CACNA2D3: variants seen among roughly 807,000 people sequenced by gnomAD.
CACNA2D3 encodes the protein calcium voltage-gated channel auxiliary subunit alpha2delta 3.
In CACNA2D3, 60 loss-of-function variants were observed where a neutral mutation model predicts 160.6. The ratio of observed to expected loss-of-function variants is 0.37; its 90% confidence interval spans 0.30 to 0.46. The LOEUF is 0.46. Ranked by LOEUF, CACNA2D3 falls within the 20% of genes least tolerant of loss-of-function variation. The probability of loss-of-function intolerance (pLI) is 1.00; values close to 1 mark genes in which losing one functional copy is unlikely to be tolerated. For synonymous variants in CACNA2D3, 558 were observed against 492.9 expected (o/e 1.13, Z -1.75); for missense variants, 1,205 against 1,365.0 (o/e 0.88, Z 1.85).
chr3:54,303,325 ACAGTGT>A (rs1339394807), intron 2 of CACNA2D3, among the ~76,000 whole-genome samples: 35 of 152,288 alleles, frequency 2.3e-4, no homozygotes, highest in Non-Finnish European at 4.7e-4. Context: ...GTCTTTTCTG[ACAGTGT>A]CAGGGCATTG....
chr3:54,539,345 G>T (rs1230175797), intron 5 of CACNA2D3, among the ~76,000 whole-genome samples: 1 of 152,204 alleles, frequency 6.6e-6, no homozygotes, highest in Non-Finnish European at 1.5e-5. Context: ...GTTATTGAAA[G>T]TGCCCCTATT....
chr3:54,556,845 G>A (rs1283400148), intron 5 of CACNA2D3, among the ~76,000 whole-genome samples: 1 of 152,170 alleles, frequency 6.6e-6, no homozygotes, highest in Admixed American at 6.5e-5. Context: ...CCAGCATGAC[G>A]TTTGCCTGCT....
At chr3:55,010,832 A>T (rs1703195306) in intron 34 of CACNA2D3, among the ~76,000 whole-genome samples, 1 of 152,140 alleles carries the variant, frequency 6.6e-6, no homozygotes, top group Admixed American at 6.5e-5. Flanking sequence ...CTCATGCGTT[A>T]TCCTATCTCT....
At chr3:54,577,491 C>A (rs1702604230) in intron 8 of CACNA2D3, among the ~76,000 whole-genome samples, 1 of 152,190 alleles carries the variant, frequency 6.6e-6, no homozygotes, top group African/African-American at 2.4e-5. Flanking sequence ...AGGCCAAGGA[C>A]ACATGCCCCT....
At chr3:54,187,913 C>G (rs1433291957) in intron 2 of CACNA2D3, among the ~76,000 whole-genome samples, 3 of 152,098 alleles carry the variant, frequency 2.0e-5, no homozygotes, top group African/African-American at 7.2e-5. Flanking sequence ...GGCCACAGAC[C>G]AGTACCGTGG....
At chr3:54,271,175 C>G (rs1702615576) in intron 2 of CACNA2D3, among the ~76,000 whole-genome samples, 1 of 152,192 alleles carries the variant, frequency 6.6e-6, no homozygotes, top group Admixed American at 6.5e-5. Flanking sequence ...TTTCCTGGGC[C>G]TTGATTTCAC....
chr3:54,149,757 T>C (rs1423075409), intron 2 of CACNA2D3, among the ~76,000 whole-genome samples: 1 of 152,112 alleles, frequency 6.6e-6, no homozygotes, highest in Non-Finnish European at 1.5e-5. Flanking sequence ...CCCACAGCAG[T>C]GTACCTCCAG....
chr3:54,413,419 G>T (rs184209841), intron 4 of CACNA2D3, among the ~76,000 whole-genome samples: 15,222 of 116,354 alleles, frequency 0.13, 992 homozygotes, highest in Admixed American at 0.24. Context: ...TATATATATA[G>T]ATATCTATAT....
intron 18 of CACNA2D3, chr3:54,874,975 A>C (rs1371944723): frequency 2.0e-5 from 3 of 152,148 alleles, no homozygotes; most frequent in Non-Finnish European, 4.4e-5. Flanking sequence ...TTTGAATCTA[A>C]CTACAATCCC....
intron 2 of CACNA2D3, among the ~76,000 whole-genome samples, chr3:54,254,261 C>A (rs148667852): frequency 2.2e-4 from 33 of 152,258 alleles, no homozygotes; most frequent in African/African-American, 7.7e-4. Context: ...GGAGGATCAT[C>A]TTCCATTTCC....
chr3:54,627,194 G>A (rs1174175713), intron 9 of CACNA2D3, among the ~76,000 whole-genome samples: 1 of 152,210 alleles, frequency 6.6e-6, no homozygotes, highest in African/African-American at 2.4e-5. Context: ...AAATGTCACA[G>A]TCTTAGGTGG....
chr3:54,899,508 G>T (rs112554121), intron 26 of CACNA2D3, among the ~76,000 whole-genome samples: 190 of 152,212 alleles, frequency 1.2e-3, no homozygotes, highest in Admixed American at 2.7e-3. Flanking sequence ...GTGGTCCCTC[G>T]ATGGTGGTCA....
At chr3:55,063,713 C>G (rs766679137) in intron 35 of CACNA2D3, among the ~76,000 whole-genome samples, 1 of 152,070 alleles carries the variant, frequency 6.6e-6, no homozygotes, top group African/African-American at 2.4e-5. Flanking sequence ...TTGCTTCACT[C>G]AATGCAGACC....
chr3:54,513,161 C>G (rs1701486937), intron 5 of CACNA2D3, among the ~76,000 whole-genome samples: 3 of 152,166 alleles, frequency 2.0e-5, no homozygotes, highest in South Asian at 4.2e-4. Flanking sequence ...CTCTGCTTTC[C>G]TTTTGCTGGT....
rs1277388943 is a variant in CACNA2D3, at chr3:54,987,721, G to C, written c.2658G>C (p.Met886Ile). 2 of 1,611,006 alleles carry C rather than the reference G, an allele frequency of 1.2e-6. No homozygotes were observed. The highest frequency in any genetic ancestry group is 1.1e-5 in the South Asian group (1 of 90,478). Reference protein sequence around the residue: ...DFFGEIEGAVMNKLLTMGSFK... With the variant: ...DFFGEIEGAVINKLLTMGSFK... ...TTGGTGAGATCGAGGGAGCTGTGAT[G>C]AACAAATTGCTAACAATGGGCTCCT... The change falls in exon 31 of 38, where the codon ATG becomes ATC. Residue 886 changes from methionine to isoleucine, a missense_variant. Physicochemically the swap from Met to Ile is conservative, Grantham distance 10. Around this residue, in one of 3 missense-constraint regions of CACNA2D3, gnomAD observed 911 missense variants for 1,002.2 expected, o/e 0.91. Transcript: ENST00000474759.
chr3:55,057,438 CA>C (rs1704392255), intron 35 of CACNA2D3, among the ~76,000 whole-genome samples: 1 of 151,916 alleles, frequency 6.6e-6, no homozygotes, highest in African/African-American at 2.4e-5. Flanking sequence ...CCCATCCCAC[CA>C]AAAAAGAGGG....
At chr3:54,138,398 G>A (rs919954092) in intron 2 of CACNA2D3, among the ~76,000 whole-genome samples, 6 of 152,226 alleles carry the variant, frequency 3.9e-5, no homozygotes, top group Non-Finnish European at 7.3e-5. Flanking sequence ...CTTGGGGTGA[G>A]CGGTGGTCCT....
At chr3:55,073,069 C>G (rs1260904171) in intron 35 of CACNA2D3, among the ~76,000 whole-genome samples, 1 of 152,136 alleles carries the variant, frequency 6.6e-6, no homozygotes, top group Non-Finnish European at 1.5e-5. Flanking sequence ...CTTAGAGGAA[C>G]ATCAAATGTA....
rs1704864287 is a variant in CACNA2D3 at position 55,073,482 on chromosome 3, T to TG, written c.3025_3026insG (p.Phe1009CysfsTer12). The TG allele has an allele frequency of 6.2e-7, 1 of 1,613,842 alleles. No homozygotes were observed. Among genetic ancestry groups the TG allele is most frequent in the Admixed American group, 1.7e-5 (1 of 59,994 alleles). On this transcript the variant is annotated frameshift_variant, in exon 36 of 38. Transcript: ENST00000474759. LOFTEE classifies it high-confidence loss of function. ...CCAGCAAATCCCAAGCAGCAACCTG[T>TG]TCATGGTGGTGGTGGACAGCAGCTG...
Sources: allele counts gnomAD v4.1 joint callset (sites outside exome capture counted in the v4.1 genomes callset), GRCh38; gene constraint gnomAD v4.1.1; regional missense constraint gnomAD v4.1.1; transcripts MANE v1.5; gene names NCBI Gene and HGNC (gene_info 2026-07-23, HGNC 2026-07-21).